The following ARSF variants were observed in gnomAD, a reference collection of about 807,000 sequenced individuals.
The protein encoded by ARSF is arylsulfatase F.
In ARSF, 33 loss-of-function variants were observed where a neutral mutation model predicts 35.4. The ratio of observed to expected loss-of-function variants is 0.93; its 90% CI spans 0.71 to 1.25. The LOEUF (loss-of-function observed/expected upper bound fraction) is 1.25, where lower values mean the gene tolerates loss of function less well. ARSF is among the 50% of genes most tolerant of loss of function. ARSF has a pLI of 0.00. For synonymous variants in ARSF, 222 were observed against 193.1 expected (o/e 1.15, Z -1.24); for missense variants, 501 against 480.2 (o/e 1.04, Z -0.40).
chrX:3,102,794 C>T (rs1259444834), intron 8 of ARSF, among the ~76,000 whole-genome samples: 1 of 110,468 alleles, frequency 9.1e-6, no homozygotes, highest in Non-Finnish European at 1.9e-5. Context: ...CACCTGTAGT[C>T]CCAGCTACTC....
At position 3,064,604 on chromosome X, in the gene ARSF, A is replaced by G. The variant is rs181345138; in HGVS notation, c.-28-3469A>G. On this transcript the variant is annotated intron_variant, in intron 1 of 10. Coordinates refer to ENST00000381127, the MANE Select transcript of ARSF (RefSeq NM_001201539.2). ...CTACAAAGAACATAAACAAATTTACAAGAAAAAAACAAACAACCCCATCAA... is the reference window on the plus strand; with the variant it reads ...CTACAAAGAACATAAACAAATTTACGAGAAAAAAACAAACAACCCCATCAA... Among the ~76,000 whole-genome samples the G allele has an allele frequency of 4.8e-3, 534 of 112,048 alleles. 5 individuals are homozygous for G. Among genetic ancestry groups the G allele is most frequent in the African/African-American group, 0.017 (510 of 30,875 alleles).
rs370681640 is a variant in ARSF at position 3,091,896 on chromosome X, C to T, written c.967+2264C>T. ...AGATGATAAATAGACGATAGATGAT[C>T]GATAGAAAGATAGATGATTGAGAGA... On this transcript the variant is annotated intron_variant, in intron 7 of 10. Transcript: ENST00000381127. 5.5e-5 allele frequency among the ~76,000 whole-genome samples: 6 copies of T among 108,120 alleles called. No homozygotes were observed. The East Asian group carries it at 1.5e-3, about 26-fold the overall frequency. The allele number at this position is 108,120 out of a possible 115,157, so 93.9% of individuals were successfully genotyped here.
chrX:3,073,593 A>G (rs2090123713), intron 3 of ARSF, among the ~76,000 whole-genome samples: 1 of 96,013 alleles, frequency 1.0e-5, no homozygotes, highest in Non-Finnish European at 2.1e-5. Context: ...AAATATTTTA[A>G]TATAAATAAA....
chrX:3,103,371 C>T (rs1449667874), intron 8 of ARSF, among the ~76,000 whole-genome samples: 1 of 110,720 alleles, frequency 9.0e-6, no homozygotes, highest in East Asian at 2.8e-4. Context: ...ATTGAGGTTA[C>T]TGTGAGTTCC....
chrX:3,092,674 C>G (rs1195963625), intron 7 of ARSF, among the ~76,000 whole-genome samples: 1 of 112,449 alleles, frequency 8.9e-6, no homozygotes, highest in Non-Finnish European at 1.9e-5. Flanking sequence ...TTTGTCCACA[C>G]AGCCAGAATC....
chrX:3,089,686 C>T, intron 7 of ARSF, 54 bp downstream of exon 7: 1 of 1,167,746 alleles, frequency 8.6e-7, no homozygotes, highest in Non-Finnish European at 1.2e-6. Context: ...TAGGACAGGA[C>T]ACCTGAAAAC....
chrX:3,080,862 CATT>C, intron 4 of ARSF, 26 bp from the exon 5 acceptor site: 1 of 1,207,028 alleles, frequency 8.3e-7, no homozygotes, highest in South Asian at 1.8e-5. Context: ...AACACCTACT[CATT>C]GTACTTTTTT....
At position 3,075,450 on chromosome X, in the gene ARSF, T is replaced by C. The variant is rs758860508; in HGVS notation, c.162-1098T>C. ...CTTTCTGTCTCTACATCTCTTTCTA[T>C]GCCTATGCGTGTCTCTGTCACCCCT... On this transcript the variant is annotated intron_variant, in intron 3 of 10. Transcript: ENST00000381127. Among the ~76,000 whole-genome samples the C allele has an allele frequency of 3.8e-5, 4 of 105,701 alleles. No individual in the cohort carries two copies. The East Asian group carries it at 1.2e-3, about 33-fold the overall frequency. The allele number at this position is 105,701 out of a possible 115,157, so 91.8% of individuals were successfully genotyped here.
chrX:3,106,366 T>C (rs1265401033), intron 9 of ARSF, among the ~76,000 whole-genome samples: 1 of 112,128 alleles, frequency 8.9e-6, no homozygotes, highest in Non-Finnish European at 1.9e-5. Context: ...TTTGAATTCA[T>C]GACTTCTTTG....
At chrX:3,088,650 C>T (rs1325989279) in intron 6 of ARSF, among the ~76,000 whole-genome samples, 1 of 110,233 alleles carries the variant, frequency 9.1e-6, no homozygotes. Context: ...CAACTTCTGC[C>T]TCCTGGGTTC....
chrX:3,104,747 T>C (rs1007531000), intron 9 of ARSF, among the ~76,000 whole-genome samples: 2 of 111,982 alleles, frequency 1.8e-5, no homozygotes, highest in African/African-American at 6.5e-5. Context: ...TAGATACTAA[T>C]CTAATGCGGA....
chrX:3,102,195 T>C (rs5939445), intron 8 of ARSF, among the ~76,000 whole-genome samples: 16,253 of 110,948 alleles, frequency 0.15, 946 homozygotes, highest in Middle Eastern at 0.21. Flanking sequence ...AGATAAGTTC[T>C]TTAGTGGTGA....
chrX:3,048,685 A>G (rs1344218009), intron 1 of ARSF, among the ~76,000 whole-genome samples: 1 of 112,261 alleles, frequency 8.9e-6, no homozygotes, highest in Non-Finnish European at 1.9e-5. Context: ...CCTTGGGCAC[A>G]TGTCGTCAGG....
Position 3,103,881 on chromosome X carries a change from C to A in ARSF, c.1222C>A (p.Pro408Thr), listed in dbSNP as rs2090396219. Residue 408 changes from proline (P) to threonine (T), a missense_variant, in exon 9 of 11, where the codon CCA (proline) becomes ACA (threonine). By Grantham distance (38) the Pro-to-Thr change is conservative (BLOSUM62 -1). Coordinates refer to ENST00000381127, the MANE Select transcript of ARSF (RefSeq NM_001201539.2). ...KEPTSLMDILPTVASVSGGSL... is the reference protein window; with the variant it reads ...KEPTSLMDILTTVASVSGGSL... The stretch of plus-strand genomic sequence containing the variant: ...ACCTACAAGTTTAATGGATATTTTA[C>A]CAACTGTCGCATCAGTGTCAGGAGG... 1.7e-6 allele frequency: 2 copies of A among 1,209,555 alleles called. No homozygotes were observed. The highest frequency in any genetic ancestry group is 1.8e-5 in the African/African-American group (1 of 57,074).
rs777570391 is a variant in ARSF at position 3,103,864 on chromosome X, G to A, written c.1205G>A (p.Ser402Asn). Reference sequence around the variant, plus strand: ...GGACGGTTGATTAAGGAACCTACAAGTTTAATGGATATTTTACCAACTGTC... The same window carrying A: ...GGACGGTTGATTAAGGAACCTACAAATTTAATGGATATTTTACCAACTGTC... ...PAGRLIKEPT[S>N]LMDILPTVAS... Residue 402 changes from serine to asparagine, a missense_variant, in exon 9 of 11, where the codon AGT becomes AAT. By Grantham distance (46) the Ser-to-Asn change is conservative. Coordinates refer to ENST00000381127, the MANE Select transcript of ARSF (RefSeq NM_001201539.2). The A allele has an allele frequency of 5.8e-5, 70 of 1,209,993 alleles. No individual in the cohort carries two copies. Among genetic ancestry groups the A allele is most frequent in the Non-Finnish European group, 7.8e-5 (70 of 895,219 alleles).
chrX:3,102,110 A>G (rs1373064675), intron 8 of ARSF, among the ~76,000 whole-genome samples: 1 of 111,299 alleles, frequency 9.0e-6, no homozygotes, highest in Non-Finnish European at 1.9e-5. Flanking sequence ...CCTTAGTGGA[A>G]ATTGTTATTA....
chrX:3,066,787 G>C (rs190464059), intron 1 of ARSF: 11 of 110,578 alleles, frequency 9.9e-5, no homozygotes, highest in Admixed American at 5.8e-4. Flanking sequence ...GTAATGATTC[G>C]AGGCAGCTGC....
chrX:3,097,250 T>A (rs1161732553), intron 7 of ARSF, among the ~76,000 whole-genome samples: 1 of 111,594 alleles, frequency 9.0e-6, no homozygotes, highest in African/African-American at 3.3e-5. Context: ...GGACATTGAG[T>A]GAAACAAAAC....
chrX:3,094,251 G>A (rs1381001390), intron 7 of ARSF, among the ~76,000 whole-genome samples: 3 of 111,580 alleles, frequency 2.7e-5, no homozygotes, highest in African/African-American at 9.8e-5. Context: ...AGCCAGGGTT[G>A]GGCTCCAAAG....
Sources: gnomAD v4.1 joint callset for allele counts (sites outside exome capture counted in the v4.1 genomes callset) on GRCh38, gnomAD v4.1.1 for gene constraint, MANE v1.5 for transcripts, NCBI Gene and HGNC (gene_info 2026-07-23, HGNC 2026-07-21) for gene names.